ZNF133: variants seen among roughly 807,000 people sequenced by gnomAD.
The protein encoded by ZNF133 is zinc finger protein 133.
Under a neutral mutation model 54.9 loss-of-function variants are expected in ZNF133, and 26 were observed. That is an observed-to-expected ratio of 0.47 (90% CI 0.35 to 0.66). The LOEUF (loss-of-function observed/expected upper bound fraction) is 0.66. ZNF133 is among the 30% of genes least tolerant of loss of function. The probability of loss-of-function intolerance (pLI) is 0.01; values close to 1 mark genes in which losing one functional copy is unlikely to be tolerated. For missense variants in ZNF133, 653 were observed against 820.8 expected (o/e 0.80, Z 2.50); for synonymous variants, 298 against 320.3 (o/e 0.93, Z 0.74).
At chr20:18,303,032 T>C (rs940674099) in intron 3 of ZNF133, among the ~76,000 whole-genome samples, 1 of 152,250 alleles carries the variant, frequency 6.6e-6, no homozygotes, top group Non-Finnish European at 1.5e-5. Context: ...CATCACATGT[T>C]TGTAGACTGG....
Position 18,306,325 on chromosome 20 carries a change from T to TCACCCAGCTGGAG in ZNF133, c.152_164dup (p.Gln55HisfsTer52). ...ATTTCATTTTCTAAACCAGAACTCATCACCCAGCTGGAGCAAGGGAAAGAG... is the reference window on the plus strand; with the variant it reads ...ATTTCATTTTCTAAACCAGAACTCATCACCCAGCTGGAGCACCCAGCTGGAGCAAGGGAAAGAG... On this transcript the variant is annotated frameshift_variant, in exon 6 of 7. Coordinates refer to ENST00000425686, the MANE Select transcript of ZNF133 (RefSeq NM_001352452.2). LOFTEE classifies it high-confidence loss of function. 1 of 1,613,920 alleles carries TCACCCAGCTGGAG rather than the reference T, an allele frequency of 6.2e-7. No homozygotes were observed. The highest frequency in any genetic ancestry group is 8.5e-7 in the Non-Finnish European group (1 of 1,179,926).
chr20:18,302,402 C>G (rs1600444025), intron 3 of ZNF133, among the ~76,000 whole-genome samples: 2 of 88,504 alleles, frequency 2.3e-5, no homozygotes, highest in Admixed American at 2.5e-4. Context: ...AAAACTCTGT[C>G]TCAAAAAAAA....
intron 3 of ZNF133, among the ~76,000 whole-genome samples, chr20:18,304,624 T>C (rs538993621): frequency 3.3e-5 from 5 of 152,174 alleles, no homozygotes; most frequent in African/African-American, 7.2e-5. Context: ...GCGAAATAAG[T>C]CAGACACAAA....
chr20:18,298,307 C>T lies in ZNF133; in HGVS notation c.-335C>T. On this transcript the variant is annotated 5_prime_UTR_variant, in exon 3 of 7. Coordinates refer to ENST00000425686, the MANE Select transcript of ZNF133 (RefSeq NM_001352452.2). ...TGTTCAGCTTCAAAAGTTCTGCTGC[C>T]TGAGAGTAACGTCACAGTAATGGAA... 7.4e-7 allele frequency: 1 copy of T among 1,345,988 alleles called. No homozygotes were observed. Among genetic ancestry groups the T allele is most frequent in the Non-Finnish European group, 9.5e-7 (1 of 1,050,266 alleles). 83.4% of individuals were successfully genotyped at this position (1,345,988 alleles called of 1,614,324 possible). A position where few individuals can be genotyped will look rare whatever the true frequency, so the allele number is the denominator to read the frequency against.
chr20:18,304,085 A>C (rs994186052), intron 3 of ZNF133, among the ~76,000 whole-genome samples: 1 of 152,370 alleles, frequency 6.6e-6, no homozygotes, highest in Non-Finnish European at 1.5e-5. Context: ...CCAGCTTAAA[A>C]ATGGACAAAG....
chr20:18,316,699 C>T lies in ZNF133; in HGVS notation c.1848C>T (p.Ser616=). Residue 616 remains serine (S), a synonymous_variant, in exon 7 of 7, where the codon AGC becomes AGT. Transcript: ENST00000425686. ...YVCKTCGRGF[S]LKSHLSRHRK... ...GCAAGACGTGTGGGCGGGGCTTCAGCCTCAAGTCTCACCTCAGCAGACACA... is the reference window on the plus strand; with the variant it reads ...GCAAGACGTGTGGGCGGGGCTTCAGTCTCAAGTCTCACCTCAGCAGACACA... 2 of 1,614,208 alleles carry T rather than the reference C, an allele frequency of 1.2e-6. No homozygotes were observed. Among genetic ancestry groups the T allele is most frequent in the Non-Finnish European group, 1.7e-6 (2 of 1,180,040 alleles).
rs547903025 is a variant in ZNF133 at position 18,288,617 on chromosome 20, C to T, written c.-432+13C>T. 5.0e-6 allele frequency: 2 copies of T among 398,510 alleles called. No homozygotes were observed. The highest frequency in any genetic ancestry group is 4.4e-5 in the Admixed American group (1 of 22,712). 24.7% of individuals were successfully genotyped at this position (398,510 alleles called of 1,614,324 possible). A position where few individuals can be genotyped will look rare whatever the true frequency, so the allele number is the denominator to read the frequency against. ...TTTGGTGGCGCTGGTGAGTGAGGCT[C>T]CCGCGGGACCCTTGCCGCAGCCGTA... is the stretch of plus-strand genomic sequence containing the variant. On this transcript the variant is annotated intron_variant, in intron 1 of 6. Coordinates refer to ENST00000425686, the MANE Select transcript of ZNF133 (RefSeq NM_001352452.2).
chr20:18,293,352 G>A (rs1033342512), intron 1 of ZNF133, among the ~76,000 whole-genome samples: 12 of 152,174 alleles, frequency 7.9e-5, no homozygotes, highest in Non-Finnish European at 1.3e-4. Context: ...ACATATTTTC[G>A]TGGGTTGGCT....
intron 1 of ZNF133, among the ~76,000 whole-genome samples, chr20:18,290,988 G>T (rs145664682): frequency 6.6e-6 from 1 of 152,132 alleles, no homozygotes; most frequent in African/African-American, 2.4e-5. Context: ...TTAGCCAGGC[G>T]TGGTGGCACA....
chr20:18,307,897 A>G lies in ZNF133; in HGVS notation c.217+1504A>G, dbSNP rs73902414. On this transcript the variant is annotated intron_variant, in intron 6 of 6. Transcript: ENST00000425686. ...CCTATCTGTTCACTAATTATAATTAAATTTTACTTTATCTTCTTTAAATCA... is the reference window on the plus strand; with the variant it reads ...CCTATCTGTTCACTAATTATAATTAGATTTTACTTTATCTTCTTTAAATCA... Among the ~76,000 whole-genome samples the G allele has an allele frequency of 3.5e-3, 537 of 152,292 alleles. 2 individuals are homozygous for G. The highest frequency in any genetic ancestry group is 0.012 in the African/African-American group (493 of 41,566).
At position 18,305,686 on chromosome 20, in the gene ZNF133, C is replaced by T; in HGVS notation, c.-1C>T. The stretch of plus-strand genomic sequence containing the variant: ...GGCTCAGTTTTGTGTTACAGGCACA[C>T]ATGGCATTCAGGGATGTGGCTGTGG... On this transcript the variant is annotated 5_prime_UTR_variant, in exon 5 of 7. Coordinates refer to ENST00000425686, the MANE Select transcript of ZNF133 (RefSeq NM_001352452.2). This position sits in a 1 kb window ranked among gnomAD's most constrained non-coding sequence, Gnocchi z 4.7. The T allele has an allele frequency of 6.2e-7, 1 of 1,614,184 alleles. No homozygotes were observed. Among genetic ancestry groups the T allele is most frequent in the Non-Finnish European group, 8.5e-7 (1 of 1,180,028 alleles).
At chr20:18,295,906 A>G (rs977131078) in intron 1 of ZNF133, among the ~76,000 whole-genome samples, 5 of 152,082 alleles carry the variant, frequency 3.3e-5, no homozygotes, top group Non-Finnish European at 7.4e-5. Flanking sequence ...TTTATTTGTA[A>G]AAGTACTTAA....
At chr20:18,304,598 C>A (rs1043187283) in intron 3 of ZNF133, among the ~76,000 whole-genome samples, 1 of 152,160 alleles carries the variant, frequency 6.6e-6, no homozygotes, top group African/African-American at 2.4e-5. Flanking sequence ...ATGGCTAAAT[C>A]TCGAAGACAT....
chr20:18,301,852 C>T (rs1406080555), intron 3 of ZNF133, among the ~76,000 whole-genome samples: 6 of 152,110 alleles, frequency 3.9e-5, no homozygotes, highest in Non-Finnish European at 8.8e-5. Context: ...AGAACTAACA[C>T]TAGTTCTTCT....
At chr20:18,310,867 T>C (rs1031118313) in intron 6 of ZNF133, among the ~76,000 whole-genome samples, 1 of 152,234 alleles carries the variant, frequency 6.6e-6, no homozygotes, top group African/African-American at 2.4e-5. Flanking sequence ...ACAATGAATA[T>C]ATACATTTTT....
intron 3 of ZNF133, among the ~76,000 whole-genome samples, chr20:18,298,966 CAAAACAAAACAAA>C (rs2042805541): frequency 6.6e-6 from 1 of 151,816 alleles, no homozygotes; most frequent in African/African-American, 2.4e-5. Context: ...AAAAACAAAA[CAAAACAAAACAAA>C]AAAACAAAAG....
chr20:18,310,405 AG>A, intron 6 of ZNF133: 1 of 1,306,634 alleles, frequency 7.7e-7, no homozygotes, highest in Non-Finnish European at 1.0e-6. Context: ...TTACAAGAAA[AG>A]TATTTAATTT....
intron 6 of ZNF133, chr20:18,306,879 T>C (rs953336218): frequency 2.7e-5 from 21 of 766,432 alleles, no homozygotes; most frequent in Non-Finnish European, 3.5e-5. Context: ...TATAATATCC[T>C]TAATTTTGCC....
At chr20:18,302,639 ATGCCCACTTT>A (rs1225510198) in intron 3 of ZNF133, among the ~76,000 whole-genome samples, 3 of 152,232 alleles carry the variant, frequency 2.0e-5, no homozygotes, top group Non-Finnish European at 4.4e-5. Context: ...TAAGGCAGCA[ATGCCCACTTT>A]TGCCACTTAT....
Sources: gnomAD v4.1 joint callset for allele counts (sites outside exome capture counted in the v4.1 genomes callset) on GRCh38, gnomAD v4.1.1 for gene constraint, Gnocchi (gnomAD v3.1) non-coding constraint, MANE v1.5 for transcripts, NCBI Gene and HGNC (gene_info 2026-07-23, HGNC 2026-07-21) for gene names.